LINGO2: variants seen among roughly 807,000 people sequenced by gnomAD.
LINGO2 encodes the protein leucine-rich repeat and immunoglobulin-like domain-containing nogo receptor-interacting protein 2.
Under a neutral mutation model 30.6 loss-of-function variants are expected in LINGO2, and 14 were observed. That is an observed-to-expected ratio of 0.46 (90% CI 0.30 to 0.72). The LOEUF is 0.72. Among genes scored for constraint, LINGO2 ranks in the 30% least tolerant of loss-of-function variants. The pLI, the probability that LINGO2 is intolerant of heterozygous loss-of-function variation, is 0.07. For synonymous variants in LINGO2, 317 were observed against 288.5 expected (o/e 1.10, Z -1.00); for missense variants, 729 against 751.7 (o/e 0.97, Z 0.35).
chr9:28,076,180 G>T (rs1157179818), intron 4 of LINGO2, among the ~76,000 whole-genome samples: 1 of 151,960 alleles, frequency 6.6e-6, no homozygotes, highest in Non-Finnish European at 1.5e-5. Context: ...TATATTTTCA[G>T]AGCCTTTGCT....
chr9:28,763,847 C>T, the LINGO2 span, among the ~76,000 whole-genome samples: 9 of 151,742 alleles, frequency 5.9e-5, no homozygotes, highest in African/African-American at 2.2e-4. Context: ...GAAGACATTA[C>T]AACAAATGTC....
chr9:28,561,889 A>AG (rs1823106110), intron 1 of LINGO2, among the ~76,000 whole-genome samples: 1 of 151,070 alleles, frequency 6.6e-6, no homozygotes, highest in African/African-American at 2.4e-5. Context: ...CACTGCACAC[A>AG]GATCTGTGGT....
chr9:29,182,185 C>T, the LINGO2 span, among the ~76,000 whole-genome samples: 22 of 152,102 alleles, frequency 1.4e-4, no homozygotes, highest in Admixed American at 4.6e-4. Context: ...ATGGCAAGTA[C>T]CCACAACGCA....
chr9:28,912,205 T>C, the LINGO2 span, among the ~76,000 whole-genome samples: 1 of 152,226 alleles, frequency 6.6e-6, no homozygotes, highest in African/African-American at 2.4e-5. Flanking sequence ...TAAAAGCCTA[T>C]AAAGTGAAAA....
At chr9:28,886,036 C>A in the LINGO2 span, among the ~76,000 whole-genome samples, 1 of 151,630 alleles carries the variant, frequency 6.6e-6, no homozygotes, top group African/African-American at 2.4e-5. Flanking sequence ...CTATGGTGGG[C>A]AAATAAAAAA....
the LINGO2 span, among the ~76,000 whole-genome samples, chr9:28,809,940 T>C: frequency 2.0e-4 from 31 of 152,124 alleles, no homozygotes; most frequent in Non-Finnish European, 4.3e-4. Flanking sequence ...TTAGAACATA[T>C]TTCTGCTACC....
At chr9:29,045,331 G>A in the LINGO2 span, among the ~76,000 whole-genome samples, 1 of 151,872 alleles carries the variant, frequency 6.6e-6, no homozygotes, top group African/African-American at 2.4e-5. Context: ...GGACAAAAGG[G>A]GACTACTGTA....
intron 4 of LINGO2, among the ~76,000 whole-genome samples, chr9:28,267,797 A>G (rs1042571956): frequency 6.6e-6 from 1 of 151,992 alleles, no homozygotes; most frequent in Non-Finnish European, 1.5e-5. Context: ...CTTCCAGGGC[A>G]TGGAGCCTAG....
the LINGO2 span, among the ~76,000 whole-genome samples, chr9:28,967,397 C>T: frequency 0.19 from 28,777 of 152,090 alleles, 2,892 homozygotes; most frequent in East Asian, 0.28. Context: ...GAACCAGTTC[C>T]TAGGGGACTG....
intron 1 of LINGO2, among the ~76,000 whole-genome samples, chr9:28,656,716 G>A (rs1588034795): frequency 6.6e-6 from 1 of 152,142 alleles, no homozygotes; most frequent in Non-Finnish European, 1.5e-5. Flanking sequence ...AAATGTCTAC[G>A]CAGTTTTAAA....
downstream of LINGO2, among the ~76,000 whole-genome samples, chr9:27,946,577 T>A (rs1217359716): frequency 6.6e-6 from 1 of 152,148 alleles, no homozygotes; most frequent in Admixed American, 6.5e-5. Context: ...ATACTACACT[T>A]CACACAATGC....
At chr9:28,196,847 A>C (rs927948950) in intron 4 of LINGO2, among the ~76,000 whole-genome samples, 1 of 152,000 alleles carries the variant, frequency 6.6e-6, no homozygotes, top group African/African-American at 2.4e-5. Context: ...GGAGCCAAAA[A>C]AATATTCAAA....
the LINGO2 span, among the ~76,000 whole-genome samples, chr9:29,064,848 T>A: frequency 6.6e-6 from 1 of 152,086 alleles, no homozygotes; most frequent in Non-Finnish European, 1.5e-5. Context: ...TTTCACTGTT[T>A]TAATTTATAC....
chr9:27,977,478 T>C (rs1442384186), intron 5 of LINGO2, among the ~76,000 whole-genome samples: 1 of 151,948 alleles, frequency 6.6e-6, no homozygotes, highest in African/African-American at 2.4e-5. Flanking sequence ...TTCTCCAGAT[T>C]ACGACGACTC....
At chr9:29,196,109 G>A in the LINGO2 span, among the ~76,000 whole-genome samples, 1 of 151,968 alleles carries the variant, frequency 6.6e-6, no homozygotes, top group Admixed American at 6.6e-5. Flanking sequence ...CTTGTTAATC[G>A]TCCTAACAAA....
the LINGO2 span, among the ~76,000 whole-genome samples, chr9:29,151,927 G>A: frequency 4.6e-5 from 7 of 151,852 alleles, no homozygotes; most frequent in Non-Finnish European, 8.8e-5. Flanking sequence ...AAGATTAAAC[G>A]AGGAAGAAAA....
chr9:27,941,324 C>G, the LINGO2 span: 1 of 152,514 alleles, frequency 6.6e-6, no homozygotes, highest in Non-Finnish European at 1.5e-5. Flanking sequence ...GTAATCCCAG[C>G]TACTGGGGAG....
the LINGO2 span, among the ~76,000 whole-genome samples, chr9:28,972,391 C>CA: frequency 6.6e-6 from 1 of 151,870 alleles, no homozygotes; most frequent in Admixed American, 6.6e-5. Context: ...TGAGGAAACT[C>CA]AAAAAAATTC....
chr9:29,050,995 T>C, the LINGO2 span, among the ~76,000 whole-genome samples: 1 of 152,188 alleles, frequency 6.6e-6, no homozygotes, highest in Non-Finnish European at 1.5e-5. Context: ...ATGTGTTTTT[T>C]AAAATATACA....
Sources: allele counts gnomAD v4.1 joint callset (sites outside exome capture counted in the v4.1 genomes callset), GRCh38; gene constraint gnomAD v4.1.1; transcripts MANE v1.5; gene names NCBI Gene and HGNC (gene_info 2026-07-23, HGNC 2026-07-21).